The following SNTG1 variants were observed in gnomAD, a reference collection of about 807,000 sequenced individuals.
SNTG1 encodes gamma-1-syntrophin.
A neutral mutation model predicts 74.7 loss-of-function variants in SNTG1; 39 were observed. That is an observed-to-expected ratio of 0.52 (90% confidence interval 0.40 to 0.68). SNTG1 has a LOEUF of 0.68. SNTG1 is among the 30% of genes least tolerant of loss of function. The pLI is 0.00. For missense variants in SNTG1, 685 were observed against 609.5 expected, an observed-to-expected ratio of 1.12 and a Z score of -1.30; for synonymous variants, 254 against 217.1, an observed-to-expected ratio of 1.17 and a Z score of -1.49.
Position 50,284,979 on chromosome 8 carries a change from T to G in SNTG1, c.-27-109233T>G, listed in dbSNP as rs191279030. On this transcript the variant is annotated intron_variant, in intron 2 of 18. Coordinates refer to ENST00000642720, the MANE Select transcript of SNTG1 (RefSeq NM_018967.5). ...AATGTTATTTTGAGCCTCAGTGTAT[T>G]CCTTCAGATGGGCAAGTTCTCCTTT... 2.7e-3 allele frequency among the ~76,000 whole-genome samples: 409 copies of G among 152,328 alleles called. 2 individuals are homozygous for G. The highest frequency in any genetic ancestry group is 9.4e-3 in the African/African-American group (392 of 41,576).
In SNTG1 at chr8:50,172,638, A is replaced by C. The variant is rs1415639169; in HGVS notation, c.-28+3A>C. Reference sequence around the variant, plus strand: ...AATATTGCTGTACCTAAATTCAAGTAAGACCATTACTTTGCAATAACGTAT... The same window carrying C: ...AATATTGCTGTACCTAAATTCAAGTCAGACCATTACTTTGCAATAACGTAT... On this transcript the variant is annotated splice_donor_region_variant and intron_variant, in intron 2 of 18. Coordinates refer to ENST00000642720, the MANE Select transcript of SNTG1 (RefSeq NM_018967.5). The C allele has an allele frequency of 2.0e-5, 3 of 152,174 alleles. No homozygotes were observed. The East Asian group carries it at 5.8e-4, about 29-fold the overall frequency. 9.4% of individuals were successfully genotyped at this position (152,174 alleles called of 1,614,324 possible).
intron 2 of SNTG1, among the ~76,000 whole-genome samples, chr8:50,242,790 C>T (rs1469822760): frequency 1.3e-5 from 2 of 149,932 alleles, no homozygotes; most frequent in African/African-American, 4.9e-5. Context: ...ATTTATATTA[C>T]CATATTATCT....
At chr8:50,167,332 AT>A (rs1266383508) in intron 1 of SNTG1, among the ~76,000 whole-genome samples, 5 of 148,026 alleles carry the variant, frequency 3.4e-5, no homozygotes, top group Admixed American at 2.0e-4. Flanking sequence ...ATAAAATAAA[AT>A]AAAAAAAAAA....
intron 4 of SNTG1, among the ~76,000 whole-genome samples, chr8:50,429,332 A>C (rs1161660202): frequency 6.6e-6 from 1 of 152,148 alleles, no homozygotes; most frequent in African/African-American, 2.4e-5. Flanking sequence ...TCAGAAATAA[A>C]CAAATTCATA....
chr8:50,611,034 G>T (rs1399386961), intron 13 of SNTG1, among the ~76,000 whole-genome samples: 1 of 152,040 alleles, frequency 6.6e-6, no homozygotes, highest in African/African-American at 2.4e-5. Context: ...GTTTAAAAAT[G>T]CATGGAACTT....
chr8:50,165,021 T>C (rs926385563), intron 1 of SNTG1, among the ~76,000 whole-genome samples: 2 of 152,042 alleles, frequency 1.3e-5, no homozygotes, highest in African/African-American at 2.4e-5. Flanking sequence ...TGCTTCCCCC[T>C]CCCCAGCAGG....
chr8:50,515,218 A>G (rs1273352426), intron 9 of SNTG1, among the ~76,000 whole-genome samples: 3 of 151,822 alleles, frequency 2.0e-5, no homozygotes, highest in African/African-American at 7.3e-5. Flanking sequence ...AAAACAAGAC[A>G]CACAAATTAT....
At chr8:50,668,661 C>T (rs972507421) in intron 15 of SNTG1, among the ~76,000 whole-genome samples, 1 of 151,664 alleles carries the variant, frequency 6.6e-6, no homozygotes, top group South Asian at 2.1e-4. Context: ...ACCCTTAAAC[C>T]CTCAACAGGC....
chr8:50,607,160 GTAT>G (rs1270340420), intron 13 of SNTG1, among the ~76,000 whole-genome samples: 28 of 151,948 alleles, frequency 1.8e-4, no homozygotes, highest in Admixed American at 5.2e-4. Context: ...ATATTTGGAA[GTAT>G]TATTTAATTT....
intron 18 of SNTG1, among the ~76,000 whole-genome samples, chr8:50,769,128 T>C (rs1030160406): frequency 2.0e-5 from 3 of 151,854 alleles, no homozygotes; most frequent in Non-Finnish European, 4.4e-5. Flanking sequence ...AGTGAATTTC[T>C]CTACCCGTTT....
At chr8:50,341,365 T>C (rs187555314) in intron 2 of SNTG1, among the ~76,000 whole-genome samples, 15 of 152,080 alleles carry the variant, frequency 9.9e-5, no homozygotes, top group Admixed American at 5.9e-4. Context: ...ATGGTACTTT[T>C]TCCCCCATCT....
At chr8:50,773,386 G>T (rs952287597) in intron 18 of SNTG1, among the ~76,000 whole-genome samples, 1 of 152,100 alleles carries the variant, frequency 6.6e-6, no homozygotes, top group Non-Finnish European at 1.5e-5. Context: ...GTTCTGGCTA[G>T]CCTTAAAGAT....
intron 17 of SNTG1, among the ~76,000 whole-genome samples, chr8:50,735,434 T>C (rs1344570751): frequency 6.6e-6 from 1 of 151,792 alleles, no homozygotes; most frequent in Non-Finnish European, 1.5e-5. Flanking sequence ...ACAAATGACC[T>C]GATGGAGCTG....
intron 2 of SNTG1, among the ~76,000 whole-genome samples, chr8:50,326,425 A>G (rs2090752135): frequency 6.6e-6 from 1 of 152,036 alleles, no homozygotes; most frequent in Non-Finnish European, 1.5e-5. Context: ...GGCAAATTGT[A>G]TCTTTCAAGA....
intron 11 of SNTG1, among the ~76,000 whole-genome samples, chr8:50,546,168 A>C (rs1356716674): frequency 6.6e-6 from 1 of 152,196 alleles, no homozygotes; most frequent in Non-Finnish European, 1.5e-5. Context: ...AAATACTGAA[A>C]GAACTGAGGA....
intron 8 of SNTG1, among the ~76,000 whole-genome samples, chr8:50,486,988 A>C (rs201225155): frequency 1.6e-4 from 24 of 152,232 alleles, no homozygotes; most frequent in African/African-American, 3.6e-4. Flanking sequence ...GCCTTGCATC[A>C]CAGGGATGAA....
intron 1 of SNTG1, among the ~76,000 whole-genome samples, chr8:49,999,549 T>C (rs1814556296): frequency 1.3e-5 from 2 of 152,168 alleles, no homozygotes; most frequent in South Asian, 4.1e-4. Flanking sequence ...AGTCTGACCA[T>C]TCGTCCCTAT....
intron 1 of SNTG1, among the ~76,000 whole-genome samples, chr8:49,962,562 TAG>T (rs1232264570): frequency 1.3e-5 from 2 of 151,768 alleles, no homozygotes; most frequent in Non-Finnish European, 2.9e-5. Context: ...TTACCTCAGA[TAG>T]AGACAGTAGA....
chr8:50,195,228 C>A (rs1232057134), intron 2 of SNTG1, among the ~76,000 whole-genome samples: 1 of 151,966 alleles, frequency 6.6e-6, no homozygotes, highest in African/African-American at 2.4e-5. Context: ...TGGGGGAAAG[C>A]CAGCAGTCAC....
Sources: gnomAD v4.1 joint callset for allele counts (sites outside exome capture counted in the v4.1 genomes callset) on GRCh38, gnomAD v4.1.1 for gene constraint, MANE v1.5 for transcripts, NCBI Gene and HGNC (gene_info 2026-07-23, HGNC 2026-07-21) for gene names.